Variants in C11orf65 observed in about 807,000 individuals in gnomAD.
C11orf65 encodes protein MFI.
Under a neutral mutation model 35.3 loss-of-function variants are expected in C11orf65, and 38 were observed. The ratio of observed to expected loss-of-function variants is 1.08; its 90% CI spans 0.83 to 1.41. C11orf65 has a LOEUF of 1.41. Among genes scored for constraint, C11orf65 ranks in the 40% most tolerant of loss-of-function variants. The pLI is 0.00. For missense variants in C11orf65, 370 were observed against 367.1 expected (o/e 1.01, Z -0.06); for synonymous variants, 105 against 114.4 (o/e 0.92, Z 0.53).
chr11:108,458,558 G>C (rs2093434610), intron 2 of C11orf65, among the ~76,000 whole-genome samples: 1 of 152,022 alleles, frequency 6.6e-6, no homozygotes, highest in African/African-American at 2.4e-5. Context: ...TCCTAGACTA[G>C]ACCAGATATC....
chr11:108,373,606 C>T (rs990047492), intron 2 of C11orf65, among the ~76,000 whole-genome samples: 9 of 152,306 alleles, frequency 5.9e-5, no homozygotes, highest in Admixed American at 1.3e-4. Flanking sequence ...ACGCAGAAGA[C>T]GGGTGATTTC....
intron 2 of C11orf65, 120 bp downstream of exon 2, chr11:108,461,359 C>T: frequency 1.4e-6 from 1 of 740,028 alleles, no homozygotes; most frequent in Non-Finnish European, 2.3e-6. Flanking sequence ...AATATCATGC[C>T]ACTGCACTCC....
At chr11:108,371,989 G>A (rs1488589798) in intron 2 of C11orf65, among the ~76,000 whole-genome samples, 1 of 152,120 alleles carries the variant, frequency 6.6e-6, no homozygotes, top group Non-Finnish European at 1.5e-5. Context: ...CCTATAAATG[G>A]TATTCTAAGT....
intron 6 of C11orf65, chr11:108,309,088 T>G: frequency 7.2e-7 from 1 of 1,388,902 alleles, no homozygotes. Flanking sequence ...AAAGTATGAA[T>G]GGGATATAGA....
chr11:108,395,856 C>A (rs1398651604), intron 6 of C11orf65, among the ~76,000 whole-genome samples: 1 of 151,660 alleles, frequency 6.6e-6, no homozygotes, highest in South Asian at 2.1e-4. Flanking sequence ...CTCCTGACCT[C>A]GTGATCTGCC....
At chr11:108,460,751 T>TTGC (rs752022308) in intron 2 of C11orf65, among the ~76,000 whole-genome samples, 18 of 152,082 alleles carry the variant, frequency 1.2e-4, no homozygotes, top group South Asian at 6.2e-4. Flanking sequence ...GTTGTTGTTG[T>TTGC]TGCTGCTGCT....
At position 108,312,511 on chromosome 11, in the gene C11orf65, G is replaced by C. The variant is rs368207631; in HGVS notation, c.641-3440C>G. 19 of 1,517,244 alleles carry C rather than the reference G, an allele frequency of 1.3e-5. No homozygotes were observed. The highest frequency in any genetic ancestry group is 1.7e-5 in the Non-Finnish European group (19 of 1,092,650). The allele number at this position is 1,517,244 out of a possible 1,614,324, so 94.0% of individuals were successfully genotyped here. On this transcript the variant is annotated intron_variant, in intron 6 of 6. Coordinates refer to the C11orf65 transcript ENST00000525729. ...AATAAGTTTACAGGTAAATATTAGA[G>C]GCTCTATTATTTATGACAGTATTTA...
In C11orf65 at chr11:108,321,296, A is replaced by G. The variant is rs755177899; in HGVS notation, c.641-12225T>C. ...TTCAGAGTGTCTTTTCTTTTTTGCT[A>G]CTAGAGTAAAAGAAGTGGAAGAGAT... On this transcript the variant is annotated intron_variant, in intron 6 of 6. Transcript: ENST00000525729. 2 of 1,613,884 alleles carry G rather than the reference A, an allele frequency of 1.2e-6. No individual in the cohort carries two copies. Among genetic ancestry groups the G allele is most frequent in the East Asian group, 4.5e-5 (2 of 44,878 alleles).
downstream of C11orf65, among the ~76,000 whole-genome samples, chr11:108,380,432 A>C (rs540178946): frequency 1.3e-5 from 2 of 152,246 alleles, no homozygotes; most frequent in South Asian, 4.1e-4. Flanking sequence ...GGGAAATGTC[A>C]TAACAATTGA....
chr11:108,312,464 A>G lies in C11orf65; in HGVS notation c.641-3393T>C, dbSNP rs866824608. The G allele has an allele frequency of 6.3e-7, 1 of 1,593,406 alleles. No homozygotes were observed. Among genetic ancestry groups the G allele is most frequent in the African/African-American group, 1.3e-5 (1 of 74,522 alleles). On this transcript the variant is annotated intron_variant, in intron 6 of 6. Transcript: ENST00000525729. ...AGTACAACTATTTCTAGCTTGAGTG[A>G]AAAAAGTAAAGAAGAAACTGGAATA...
chr11:108,407,595 C>T (rs2138670304), intron 3 of C11orf65, among the ~76,000 whole-genome samples: 1 of 150,898 alleles, frequency 6.6e-6, no homozygotes, highest in East Asian at 2.0e-4. Context: ...GCTAAGATTA[C>T]AGGCATGAGC....
Position 108,326,179 on chromosome 11 carries a change from G to A in C11orf65, c.641-17108C>T, listed in dbSNP as rs1381019767. ...AAAAAGGAGCAGAGTCTTGCCCTGA[G>A]TATTCTCAAGCAAATGATCAAGAAG... On this transcript the variant is annotated intron_variant, in intron 6 of 6. Transcript: ENST00000525729. 1.2e-6 allele frequency: 2 copies of A among 1,613,980 alleles called. No homozygotes were observed. The highest frequency in any genetic ancestry group is 8.5e-7 in the Non-Finnish European group (1 of 1,180,022).
chr11:108,441,875 AG>A (rs2093160350), intron 2 of C11orf65, among the ~76,000 whole-genome samples: 3 of 152,230 alleles, frequency 2.0e-5, no homozygotes, highest in Admixed American at 6.5e-5. Flanking sequence ...GAGAAACCAG[AG>A]CAGAAAAGCT....
chr11:108,364,586 T>C (rs1347513307), intron 2 of C11orf65, among the ~76,000 whole-genome samples: 2 of 152,158 alleles, frequency 1.3e-5, no homozygotes, highest in Admixed American at 6.5e-5. Flanking sequence ...AAAAGAGCCA[T>C]AGGAATAGGG....
At chr11:108,468,731 G>A (rs1049846502), upstream of C11orf65, among the ~76,000 whole-genome samples, 1 of 152,080 alleles carries the variant, frequency 6.6e-6, no homozygotes, top group Non-Finnish European at 1.5e-5. Context: ...CAGTAGTTAT[G>A]AACAATAAAC....
In C11orf65 at chr11:108,358,263, T is replaced by C. The variant is rs1434724281; in HGVS notation, c.227-22971A>G. On this transcript the variant is annotated intron_variant, in intron 2 of 3. Coordinates refer to the C11orf65 transcript ENST00000524755. Reference sequence around the variant, plus strand: ...TCAGAGAAAAAAGAATAAAAAGAAATGAGCAAAGCCTCCAAGAAATATGGG... The same window carrying C: ...TCAGAGAAAAAAGAATAAAAAGAAACGAGCAAAGCCTCCAAGAAATATGGG... Among the ~76,000 whole-genome samples, 1,301 of 148,402 alleles carry C rather than the reference T, an allele frequency of 8.8e-3. 17 individuals carry two copies. The highest frequency in any genetic ancestry group is 0.03 in the African/African-American group (1,217 of 40,114).
intron 3 of C11orf65, among the ~76,000 whole-genome samples, chr11:108,421,771 A>G (rs557498306): frequency 6.6e-6 from 1 of 152,304 alleles, no homozygotes; most frequent in East Asian, 1.9e-4. Context: ...CTTTGTTTCC[A>G]CAGCTGCTGC....
At chr11:108,377,139 C>T (rs1591417938) in intron 2 of C11orf65, among the ~76,000 whole-genome samples, 1 of 151,262 alleles carries the variant, frequency 6.6e-6, no homozygotes, top group Non-Finnish European at 1.5e-5. Flanking sequence ...ATGAGGCCAG[C>T]ATCATCCTGA....
chr11:108,423,580 C>T (rs2092852997), intron 3 of C11orf65, among the ~76,000 whole-genome samples: 1 of 152,204 alleles, frequency 6.6e-6, no homozygotes, highest in Non-Finnish European at 1.5e-5. Flanking sequence ...ACTGCCTCCT[C>T]AAGTGGATCC....
Sources: allele counts gnomAD v4.1 joint callset (sites outside exome capture counted in the v4.1 genomes callset), GRCh38; gene constraint gnomAD v4.1.1; transcripts MANE v1.5; gene names NCBI Gene and HGNC (gene_info 2026-07-23, HGNC 2026-07-21).